Variants in FRMD8 observed in about 807,000 individuals in gnomAD.
FRMD8 encodes the protein FERM domain-containing protein 8.
FRMD8 carries 37 observed loss-of-function variants against 54.2 expected under a neutral mutation model. That is an observed-to-expected ratio of 0.68 (90% confidence interval 0.53 to 0.90). The LOEUF (loss-of-function observed/expected upper bound fraction) is 0.90. FRMD8 is among the 40% of genes least tolerant of loss of function. The probability of loss-of-function intolerance (pLI) is 0.00; values close to 1 mark genes in which losing one functional copy is unlikely to be tolerated. For synonymous variants in FRMD8, 246 were observed against 286.9 expected, an observed-to-expected ratio of 0.86 and a Z score of 1.44; for missense variants, 585 against 653.7, an observed-to-expected ratio of 0.89 and a Z score of 1.15.
chr11:65,387,041 A>G lies in FRMD8; in HGVS notation c.5A>G (p.Asp2Gly), dbSNP rs1210185088. Residue 2 changes from aspartate to glycine, a missense_variant, in exon 2 of 11, where the codon GAC (aspartate) becomes GGC (glycine). Transcript: ENST00000317568. MDGTEGSAGQPG... is the reference protein window; with the variant it reads MGGTEGSAGQPG... ...TGTTTCTCTTTGCCTTTGCAGATGGACGGGACAGAAGGCAGTGCCGGGCAG... is the reference window on the plus strand; with the variant it reads ...TGTTTCTCTTTGCCTTTGCAGATGGGCGGGACAGAAGGCAGTGCCGGGCAG... The G allele has an allele frequency of 6.2e-7, 1 of 1,608,452 alleles. No homozygotes were observed. Among genetic ancestry groups the G allele is most frequent in the Non-Finnish European group, 8.5e-7 (1 of 1,179,578 alleles).
chr11:65,389,405 CT>C lies in FRMD8; in HGVS notation c.131del (p.Leu44ArgfsTer45), dbSNP rs751379042. 7 of 1,610,702 alleles carry C rather than the reference CT, an allele frequency of 4.3e-6. No homozygotes were observed. Among genetic ancestry groups the C allele is most frequent in the African/African-American group, 1.3e-5 (1 of 74,954 alleles). ...CCTAGCGGATGACACGGTGGTGCCC[CT>C]GGCTGTGGAGAACCTGCCCTCGCTC... The part of the protein sequence containing the change: ...VYLADDTVVP[L>X]AVENLPSLSA... On this transcript the variant is annotated frameshift_variant, in exon 3 of 11. Transcript: ENST00000317568. LOFTEE classifies it high-confidence loss of function.
intron 9 of FRMD8, among the ~76,000 whole-genome samples, chr11:65,403,120 C>T (rs776077059): frequency 5.3e-5 from 8 of 152,324 alleles, no homozygotes; most frequent in Middle Eastern, 6.8e-3. Context: ...TCAAGTGATT[C>T]TCCCACCTTG....
rs1056492719 is a variant in FRMD8 at position 65,399,872 on chromosome 11, G to A, written c.927+13G>A. ...TAGCAGAGAGAAGGTACTGCCCCCA[G>A]CTCCTCCAGGGTGGAGAGGATGGGA... is the stretch of plus-strand genomic sequence containing the variant. On this transcript the variant is annotated intron_variant, in intron 8 of 10. Transcript: ENST00000317568. The A allele has an allele frequency of 4.4e-6, 7 of 1,608,344 alleles. No homozygotes were observed. The highest frequency in any genetic ancestry group is 1.1e-5 in the South Asian group (1 of 90,246).
chr11:65,374,868 A>G, the FRMD8 span, among the ~76,000 whole-genome samples: 1 of 152,086 alleles, frequency 6.6e-6, no homozygotes, highest in Non-Finnish European at 1.5e-5. Context: ...TCAGAAGACT[A>G]GGGTGGGAAG....
the FRMD8 span, chr11:65,375,978 C>T: frequency 6.8e-3 from 1,167 of 171,960 alleles, 6 homozygotes; most frequent in African/African-American, 0.026. Context: ...AGGAGAGTTG[C>T]TTGAACCCGG....
At chr11:65,379,388 C>T in the FRMD8 span, 9 of 1,610,162 alleles carry the variant, frequency 5.6e-6, no homozygotes, top group Admixed American at 1.3e-4. Context: ...GCAGGAACCC[C>T]CCGGTGCAGC....
intron 10 of FRMD8, among the ~76,000 whole-genome samples, chr11:65,407,701 T>C (rs1157857752): frequency 6.6e-6 from 1 of 151,696 alleles, no homozygotes; most frequent in African/African-American, 2.4e-5. Context: ...CCATCCTGGC[T>C]AACAGGTGAA....
At chr11:65,377,821 GC>G in the FRMD8 span, 1 of 152,420 alleles carries the variant, frequency 6.6e-6, no homozygotes, top group Non-Finnish European at 1.5e-5. Context: ...GGTCAAGATA[GC>G]TTTTGGAGTC....
Position 65,411,405 on chromosome 11 carries a change from C to A in FRMD8, c.*45C>A. 3.0e-6 allele frequency: 4 copies of A among 1,324,898 alleles called. No homozygotes were observed. The highest frequency in any genetic ancestry group is 3.1e-6 in the Non-Finnish European group (3 of 967,036). The allele number at this position is 1,324,898 out of a possible 1,614,324, so 82.1% of individuals were successfully genotyped here. A position where few individuals can be genotyped will look rare whatever the true frequency, so the allele number is the denominator to read the frequency against. ...AGGAGGGCGACTGGGGGCCCTGGCCCGGCACTGTCCTCCTGAGGGGCAGGC... is the reference window on the plus strand; with the variant it reads ...AGGAGGGCGACTGGGGGCCCTGGCCAGGCACTGTCCTCCTGAGGGGCAGGC... On this transcript the variant is annotated 3_prime_UTR_variant, in exon 11 of 11. Coordinates refer to ENST00000317568, the MANE Select transcript of FRMD8 (RefSeq NM_031904.5).
Position 65,389,495 on chromosome 11 carries a change from G to T in FRMD8, c.220G>T (p.Val74Phe). 6.2e-7 allele frequency: 1 copy of T among 1,605,150 alleles called. No homozygotes were observed. ...GCAGCTTCCAGACATCGCCCTGGAT[G>T]TCTTCGCGCTCTGGCTGGTCTCCCC... ...VLQLPDIALD[V>F]FALWLVSPLL... The change falls in exon 3 of 11, where the codon GTC (valine) becomes TTC (phenylalanine). Residue 74 changes from valine to phenylalanine, a missense_variant. Transcript: ENST00000317568.
chr11:65,408,910 G>A (rs1292641231), intron 10 of FRMD8, among the ~76,000 whole-genome samples: 2 of 151,852 alleles, frequency 1.3e-5, no homozygotes, highest in South Asian at 2.1e-4. Flanking sequence ...GTGCCTGGCC[G>A]ATATGCTGAT....
chr11:65,388,711 G>C (rs1266395240), intron 2 of FRMD8, among the ~76,000 whole-genome samples: 1 of 152,170 alleles, frequency 6.6e-6, no homozygotes, highest in African/African-American at 2.4e-5. Context: ...TCCCTAGCCT[G>C]CTTCGTATTG....
At chr11:65,398,539 GC>G (rs982956023) in intron 7 of FRMD8, among the ~76,000 whole-genome samples, 14 of 152,258 alleles carry the variant, frequency 9.2e-5, no homozygotes, top group Non-Finnish European at 1.5e-4. Context: ...CCTAGCGCAT[GC>G]CCCGCTTGTC....
At chr11:65,377,171 C>T in the FRMD8 span, 1 of 1,489,274 alleles carries the variant, frequency 6.7e-7, no homozygotes, top group Non-Finnish European at 8.9e-7. Flanking sequence ...CAGGGGGCCA[C>T]ATCTTCCAGT....
At position 65,387,087 on chromosome 11, in the gene FRMD8, C is replaced by T; in HGVS notation, c.51C>T (p.Ser17=). Residue 17 remains serine (S), a synonymous_variant, in exon 2 of 11, where the codon TCC becomes TCT. Coordinates refer to ENST00000317568, the MANE Select transcript of FRMD8 (RefSeq NM_031904.5). ...GGCAGCCCGGCCCCGCTGAGCGATC[C>T]CACCGAAGCAGCGTGTCCTCCGTGG... ...SAGQPGPAER[S]HRSSVSSVGA... The T allele has an allele frequency of 2.5e-6, 4 of 1,608,286 alleles. No homozygotes were observed. Among genetic ancestry groups the T allele is most frequent in the Non-Finnish European group, 3.4e-6 (4 of 1,180,010 alleles).
intron 10 of FRMD8, among the ~76,000 whole-genome samples, chr11:65,406,440 C>T (rs1188887022): frequency 6.6e-5 from 10 of 150,592 alleles, no homozygotes; most frequent in Non-Finnish European, 8.9e-5. Context: ...GTGGTCCATC[C>T]GCCTTGGCCT....
intron 7 of FRMD8, among the ~76,000 whole-genome samples, chr11:65,397,296 TCTCTGTCACGCAATTGTTGTCTAAC>T (rs1855979219): frequency 6.6e-6 from 1 of 152,208 alleles, no homozygotes; most frequent in African/African-American, 2.4e-5. Flanking sequence ...CAGCCAGCTG[TCTCTGTCACGCAATTGTTGTCTAAC>T]AAACAGCTCT....
chr11:65,394,358 G>A lies in FRMD8; in HGVS notation c.514G>A (p.Gly172Ser), dbSNP rs745710210. The change falls in exon 6 of 11, where the codon GGC (glycine) becomes AGC (serine). Residue 172 changes from glycine to serine, a missense_variant. Coordinates refer to ENST00000317568, the MANE Select transcript of FRMD8 (RefSeq NM_031904.5). ...CGACGTGGAGGACTGCGAGGCTCTGGGCGCCCTGGTGTGCCGCGTGCAGCT... is the reference window on the plus strand; with the variant it reads ...CGACGTGGAGGACTGCGAGGCTCTGAGCGCCCTGGTGTGCCGCGTGCAGCT... ...PCDVEDCEALGALVCRVQLGP... is the reference protein window; with the variant it reads ...PCDVEDCEALSALVCRVQLGP... 5.1e-6 allele frequency: 8 copies of A among 1,578,768 alleles called. No individual in the cohort carries two copies. The highest frequency in any genetic ancestry group is 6.0e-6 in the Non-Finnish European group (7 of 1,163,152).
chr11:65,388,792 C>T (rs1028345653), intron 2 of FRMD8, among the ~76,000 whole-genome samples: 1 of 152,290 alleles, frequency 6.6e-6, no homozygotes, highest in East Asian at 1.9e-4. Flanking sequence ...CTTGCTTTAA[C>T]CTGGGTGACC....
Sources: gnomAD v4.1 joint callset for allele counts (sites outside exome capture counted in the v4.1 genomes callset) on GRCh38, gnomAD v4.1.1 for gene constraint, MANE v1.5 for transcripts, NCBI Gene and HGNC (gene_info 2026-07-23, HGNC 2026-07-21) for gene names.